Variants in AGT observed in about 807,000 individuals in gnomAD.
AGT encodes angiotensinogen, also known as alpha-1 antiproteinase, antitrypsin.
In AGT, 26 loss-of-function variants were observed where a neutral mutation model predicts 28.1. The observed-to-expected ratio is 0.92, with a 90% CI of 0.68 to 1.28. The LOEUF (loss-of-function observed/expected upper bound fraction) is 1.28. Ranked by LOEUF, AGT falls within the 50% of genes most tolerant of loss-of-function variation. The pLI, the probability that AGT is intolerant of heterozygous loss-of-function variation, is 0.00. For missense variants in AGT, 596 were observed against 592.3 expected (o/e 1.01, Z -0.06); for synonymous variants, 259 against 259.6 (o/e 1.00, Z 0.02).
intron 1 of AGT, among the ~76,000 whole-genome samples, chr1:230,734,924 C>G (rs113501120): frequency 6.6e-6 from 1 of 151,934 alleles, no homozygotes; most frequent in Non-Finnish European, 1.5e-5. Context: ...CCATGTTGGC[C>G]AGGATGGTCT....
intron 1 of AGT, among the ~76,000 whole-genome samples, chr1:230,736,376 G>T (rs182271433): frequency 6.6e-6 from 1 of 151,930 alleles, no homozygotes; most frequent in East Asian, 1.9e-4. Context: ...ACAAAAAGCC[G>T]GGCATGGTGG....
intron 1 of AGT, among the ~76,000 whole-genome samples, chr1:230,712,668 GT>G (rs1164385110): frequency 1.3e-5 from 2 of 152,228 alleles, no homozygotes; most frequent in African/African-American, 2.4e-5. Context: ...CCCGCTCACT[GT>G]GCTGCTCCTG....
chr1:230,708,179 C>T (rs1271775315), intron 2 of AGT, among the ~76,000 whole-genome samples: 1 of 152,152 alleles, frequency 6.6e-6, no homozygotes, highest in Non-Finnish European at 1.5e-5. Context: ...CGGTGGAGGC[C>T]GGCGAGGATC....
chr1:230,719,271 G>A (rs888469494), upstream of AGT, among the ~76,000 whole-genome samples: 20 of 152,146 alleles, frequency 1.3e-4, no homozygotes, highest in Admixed American at 1.3e-3. Context: ...CTCGGGCAGT[G>A]CCCTATGGAC....
intron 1 of AGT, among the ~76,000 whole-genome samples, chr1:230,740,236 C>T (rs1664223330): frequency 6.6e-6 from 1 of 152,190 alleles, no homozygotes; most frequent in African/African-American, 2.4e-5. Context: ...TGAGGACGAA[C>T]AGAGGTCACT....
chr1:230,731,310 C>A (rs12142516), intron 1 of AGT, among the ~76,000 whole-genome samples: 14 of 152,124 alleles, frequency 9.2e-5, no homozygotes, highest in Admixed American at 8.5e-4. Flanking sequence ...CCTCCCAACC[C>A]GATTCTCTGC....
chr1:230,728,925 A>G lies in AGT; in HGVS notation c.-31+16590T>C, dbSNP rs187789339. On this transcript the variant is annotated intron_variant, in intron 1 of 4. Coordinates refer to the AGT transcript ENST00000681269. Reference sequence around the variant, plus strand: ...TTAGTTAACATATGAAAGCATTTGGAGCAGAGCCTGCCAGGCAGTGAGCCC... The same window carrying G: ...TTAGTTAACATATGAAAGCATTTGGGGCAGAGCCTGCCAGGCAGTGAGCCC... Among the ~76,000 whole-genome samples the G allele has an allele frequency of 1.4e-4, 22 of 152,312 alleles. No individual in the cohort carries two copies. The East Asian group carries it at 4.3e-3, about 29-fold the overall frequency.
At chr1:230,722,971 T>A (rs920558413) in intron 1 of AGT, among the ~76,000 whole-genome samples, 1 of 152,094 alleles carries the variant, frequency 6.6e-6, no homozygotes, top group African/African-American at 2.4e-5. Context: ...TAGCTCTGTG[T>A]CCCCACCCAA....
At chr1:230,722,356 A>G (rs947192571) in intron 1 of AGT, among the ~76,000 whole-genome samples, 9 of 152,230 alleles carry the variant, frequency 5.9e-5, no homozygotes, top group Admixed American at 5.9e-4. Flanking sequence ...TGCTAGGGCA[A>G]TGTGGAAGGG....
chr1:230,710,696 T>C lies in AGT; in HGVS notation c.128A>G (p.Glu43Gly). Reference sequence around the variant, plus strand: ...CCCGGCATTGGCCTTTGCCAGCTGCTCACAGGTACTCTCATTGTGGATGAC... The same window carrying C: ...CCCGGCATTGGCCTTTGCCAGCTGCCCACAGGTACTCTCATTGTGGATGAC... ...HLVIHNESTCEQLAKANAGKP... is the reference protein window; with the variant it reads ...HLVIHNESTCGQLAKANAGKP... Residue 43 changes from glutamate to glycine, a missense_variant, in exon 2 of 5, where the codon GAG becomes GGG. Transcript: ENST00000366667. 6.2e-7 allele frequency: 1 copy of C among 1,614,152 alleles called. No homozygotes were observed. The highest frequency in any genetic ancestry group is 1.3e-5 in the African/African-American group (1 of 75,046).
upstream of AGT, among the ~76,000 whole-genome samples, chr1:230,714,912 C>T (rs2071405): frequency 0.15 from 22,437 of 152,158 alleles, 1,806 homozygotes; most frequent in African/African-American, 0.22. Context: ...CAGGGCATGA[C>T]AGAGACCTTG....
intron 2 of AGT, among the ~76,000 whole-genome samples, chr1:230,707,173 GAGA>G (rs1663411312): frequency 6.6e-6 from 1 of 152,208 alleles, no homozygotes; most frequent in African/African-American, 2.4e-5. Context: ...CCCGTTGTGG[GAGA>G]AGGACACAAA....
rs145468277 is a variant in AGT at position 230,706,293 on chromosome 1, C to G, written c.830-93G>C. Reference sequence around the variant, plus strand: ...GACACCAAAGGCCCAGATCCTGCCCCTCGCCCTGCCTCAGCCTCCTTCCTT... The same window carrying G: ...GACACCAAAGGCCCAGATCCTGCCCGTCGCCCTGCCTCAGCCTCCTTCCTT... On this transcript the variant is annotated intron_variant, in intron 2 of 4. Coordinates refer to ENST00000366667, the MANE Select transcript of AGT (RefSeq NM_001384479.1). 2.1e-6 allele frequency: 3 copies of G among 1,414,068 alleles called. No homozygotes were observed. The African/African-American group carries it at 4.3e-5, about 20-fold the overall frequency. The allele number at this position is 1,414,068 out of a possible 1,614,324, so 87.6% of individuals were successfully genotyped here. A position where few individuals can be genotyped will look rare whatever the true frequency, so the allele number is the denominator to read the frequency against.
At chr1:230,738,109 A>C (rs1397143520) in intron 1 of AGT, among the ~76,000 whole-genome samples, 1 of 152,244 alleles carries the variant, frequency 6.6e-6, no homozygotes, top group African/African-American at 2.4e-5. Context: ...GCTGATGGAC[A>C]ATTAGTTGCT....
chr1:230,730,970 A>G (rs1213791930), intron 1 of AGT, among the ~76,000 whole-genome samples: 1 of 152,188 alleles, frequency 6.6e-6, no homozygotes, highest in Non-Finnish European at 1.5e-5. Flanking sequence ...TAACCTAATA[A>G]TGCCTCACTG....
Position 230,703,254 on chromosome 1 carries a change from G to T in AGT, c.1318C>A (p.Pro440Thr). 6.2e-7 allele frequency: 1 copy of T among 1,614,178 alleles called. No homozygotes were observed. The highest frequency in any genetic ancestry group is 2.2e-5 in the East Asian group (1 of 44,862). Residue 440 changes from proline (P) to threonine (T), a missense_variant, in exon 5 of 5, where the codon CCT becomes ACT. Transcript: ENST00000366667. ...PTESTQQLNK[P>T]EVLEVTLNRP... ...TTCAGGGTCACCTCCAAGACCTCAG[G>T]CTTGTTAAGCTGTTGGGTAGACTCT...
intron 1 of AGT, among the ~76,000 whole-genome samples, chr1:230,711,182 A>T (rs546984260): frequency 1.3e-5 from 2 of 152,290 alleles, no homozygotes; most frequent in East Asian, 3.9e-4. Flanking sequence ...AGTTAAAATG[A>T]GGCCATGAGG....
At chr1:230,705,628 C>G (rs533871918) in intron 3 of AGT, among the ~76,000 whole-genome samples, 1 of 152,210 alleles carries the variant, frequency 6.6e-6, no homozygotes, top group Admixed American at 6.5e-5. Flanking sequence ...TCTCAGAGGG[C>G]GGATTGCAAT....
chr1:230,733,507 C>T (rs1344793690), intron 1 of AGT, among the ~76,000 whole-genome samples: 3 of 152,090 alleles, frequency 2.0e-5, no homozygotes, highest in Admixed American at 6.6e-5. Flanking sequence ...GATTTTCACT[C>T]GACAAATCAC....
Sources: allele counts gnomAD v4.1 joint callset (sites outside exome capture counted in the v4.1 genomes callset), GRCh38; gene constraint gnomAD v4.1.1; transcripts MANE v1.5; gene names NCBI Gene and HGNC (gene_info 2026-07-23, HGNC 2026-07-21).